TFR2: variants seen among roughly 807,000 people sequenced by gnomAD.
TFR2 encodes transferrin receptor 2.
TFR2 carries 64 observed loss-of-function variants against 91.9 expected under a neutral mutation model. The ratio of observed to expected loss-of-function variants is 0.70; its 90% CI spans 0.57 to 0.86. The LOEUF (loss-of-function observed/expected upper bound fraction) is 0.86, where lower values mean the gene tolerates loss of function less well. Ranked by LOEUF, TFR2 falls within the 40% of genes least tolerant of loss-of-function variation. The pLI is 0.00. For missense variants in TFR2, 950 were observed against 1,080.5 expected (o/e 0.88, Z 1.69); for synonymous variants, 454 against 459.6 (o/e 0.99, Z 0.15).
At chr7:100,623,775 C>T (rs542269726) in intron 17 of TFR2, among the ~76,000 whole-genome samples, 6 of 150,864 alleles carry the variant, frequency 4.0e-5, no homozygotes, top group South Asian at 4.2e-4. Context: ...CCCAGCCGGG[C>T]GCAGTAGCTC....
chr7:100,628,145 G>T lies in TFR2; in HGVS notation c.1474-9C>A. ...AGCACGCTGAGGTAGCCCTGTGGGT[G>T]GGTGACCAGTGTGGAGTGGGAACCC... On this transcript the variant is annotated splice_polypyrimidine_tract_variant and intron_variant, in intron 11 of 17. Transcript: ENST00000223051. The T allele has an allele frequency of 6.2e-7, 1 of 1,614,082 alleles. No homozygotes were observed. Among genetic ancestry groups the T allele is most frequent in the South Asian group, 1.1e-5 (1 of 91,092 alleles).
chr7:100,630,999 G>T lies in TFR2; in HGVS notation c.1160C>A (p.Ser387Tyr), dbSNP rs1374493501. ...PQEWQGSLLG[S>Y]PYHLGPGPRL... ...TGGCCCGGGGCCCAGGTGATAAGGGGAGCCTAGGAGGCTCCCCTGCCATTC... is the reference window on the plus strand; with the variant it reads ...TGGCCCGGGGCCCAGGTGATAAGGGTAGCCTAGGAGGCTCCCCTGCCATTC... Residue 387 changes from serine to tyrosine, a missense_variant, in exon 9 of 18, where the codon TCC becomes TAC. By Grantham distance (144) the Ser-to-Tyr change is moderately radical. Coordinates refer to ENST00000223051, the MANE Select transcript of TFR2 (RefSeq NM_003227.4). 6.4e-7 allele frequency: 1 copy of T among 1,569,172 alleles called. No individual in the cohort carries two copies. The highest frequency in any genetic ancestry group is 8.6e-7 in the Non-Finnish European group (1 of 1,160,168).
chr7:100,625,490 A>G (rs1230427595), intron 17 of TFR2, among the ~76,000 whole-genome samples: 2 of 152,132 alleles, frequency 1.3e-5, no homozygotes, highest in African/African-American at 2.4e-5. Flanking sequence ...TGTGAATGAG[A>G]ATGAACCATA....
rs1250293179 is a variant in TFR2 at position 100,641,262 on chromosome 7, A to G, written c.34-34T>C. ...GCGAGGTGGGCATGAGATTGGGGCA[A>G]GAGGCCTGGGGGGTGGGGAGGCATC... On this transcript the variant is annotated intron_variant, in intron 1 of 17. Coordinates refer to ENST00000223051, the MANE Select transcript of TFR2 (RefSeq NM_003227.4). The G allele has an allele frequency of 2.7e-6, 4 of 1,508,522 alleles. No individual in the cohort carries two copies. In the South Asian group the frequency reaches 3.7e-5, roughly 14 times the overall value. The allele number at this position is 1,508,522 out of a possible 1,614,324, so 93.4% of individuals were successfully genotyped here.
Position 100,627,285 on chromosome 7 carries a change from G to T in TFR2, c.1974C>A (p.Asn658Lys), listed in dbSNP as rs1803289281. 1 of 1,549,274 alleles carries T rather than the reference G, an allele frequency of 6.5e-7. No individual in the cohort carries two copies. Among genetic ancestry groups the T allele is most frequent in the Non-Finnish European group, 8.7e-7 (1 of 1,146,776 alleles). ...DVVLRHIGNL[N>K]EFSGDLKARG... ...GAACCTTGAGGTCCCCAGAGAACTC[G>T]TTGAGGTTCCCGATGTGCCTGAGGA... The change falls in exon 16 of 18, where the codon AAC (asparagine) becomes AAA (lysine). Residue 658 changes from asparagine to lysine, a missense_variant. Physicochemically the swap from Asn to Lys is moderately conservative, Grantham distance 94. Coordinates refer to ENST00000223051, the MANE Select transcript of TFR2 (RefSeq NM_003227.4).
chr7:100,633,262 G>T lies in TFR2; in HGVS notation c.693C>A (p.Val231=). 6.2e-7 allele frequency: 1 copy of T among 1,613,898 alleles called. No homozygotes were observed. Residue 231 remains valine, a synonymous_variant, in exon 5 of 18, where the codon GTC becomes GTA. Coordinates refer to ENST00000223051, the MANE Select transcript of TFR2 (RefSeq NM_003227.4). The stretch of plus-strand genomic sequence containing the variant: ...TGCCGATGGCGCTGTAGGGGCAGTA[G>T]ACGTCAGGGTCCTCCAGCGGCAGCT... The part of the protein sequence containing the change: ...GEQLPLEDPD[V]YCPYSAIGNV...
intron 3 of TFR2, among the ~76,000 whole-genome samples, chr7:100,637,125 C>T (rs568107106): frequency 2.7e-4 from 41 of 152,162 alleles, no homozygotes; most frequent in Non-Finnish European, 3.7e-4. Flanking sequence ...AATTGCCGGG[C>T]GCAGTGGCTC....
intron 3 of TFR2, among the ~76,000 whole-genome samples, chr7:100,639,132 C>A (rs550458434): frequency 1.4e-4 from 21 of 152,150 alleles, no homozygotes; most frequent in Non-Finnish European, 2.6e-4. Context: ...GAAGCCGAAG[C>A]GCTTTGGCAG....
At chr7:100,633,972 T>A (rs1438121361) in intron 3 of TFR2, among the ~76,000 whole-genome samples, 3 of 151,662 alleles carry the variant, frequency 2.0e-5, no homozygotes, top group Non-Finnish European at 4.4e-5. Flanking sequence ...CCTCCCAAAG[T>A]GCTGGCATTA....
chr7:100,631,554 G>A (rs1168357846), intron 8 of TFR2: 2 of 411,934 alleles, frequency 4.9e-6, no homozygotes, highest in South Asian at 2.5e-5. Context: ...AACCCGGGAG[G>A]TGGAGGTTGC....
At chr7:100,640,918 C>T (rs1803686194) in intron 2 of TFR2, 46 bp from the exon 3 acceptor site, 1 of 1,613,742 alleles carries the variant, frequency 6.2e-7, no homozygotes. Context: ...CACCTCTGGA[C>T]CCCAGAAATC....
At chr7:100,628,327 G>C (rs774462499) in intron 10 of TFR2, 21 bp from the exon 11 acceptor site, 1 of 1,613,258 alleles carries the variant, frequency 6.2e-7, no homozygotes, top group Middle Eastern at 1.7e-4. Flanking sequence ...AGGGGAAGGA[G>C]GACAGGCTTA....
In TFR2 at chr7:100,627,656, C is replaced by G; in HGVS notation, c.1688G>C (p.Arg563Pro). The G allele has an allele frequency of 6.2e-7, 1 of 1,614,138 alleles. No homozygotes were observed. The highest frequency in any genetic ancestry group is 8.5e-7 in the Non-Finnish European group (1 of 1,179,992). ...GGCACTGCTGTCCATGGGTAGGGGC[C>G]GGATCCTGGGGGCAGGTGGGTTGGA... ...TNPSWDAEVI[R>P]PLPMDSSAYS... The change falls in exon 15 of 18, where the codon CGG becomes CCG. Residue 563 changes from arginine to proline, a missense_variant. Physicochemically the swap from Arg to Pro is moderately radical, Grantham distance 103. Coordinates refer to ENST00000223051, the MANE Select transcript of TFR2 (RefSeq NM_003227.4).
Position 100,630,810 on chromosome 7 carries a change from C to T in TFR2, c.1270+79G>A, listed in dbSNP as rs915897629. ...CCTCTTGGGGCCTCCTGCACCAGCC[C>T]CCTATCTTGCCAGGGTGTATGGGCA... On this transcript the variant is annotated intron_variant, in intron 9 of 17. Transcript: ENST00000223051. 3 of 1,598,588 alleles carry T rather than the reference C, an allele frequency of 1.9e-6. No individual in the cohort carries two copies. The African/African-American group carries it at 4.0e-5, about 21-fold the overall frequency.
intron 8 of TFR2, 168 bp downstream of exon 8, chr7:100,631,638 G>C: frequency 1.2e-6 from 1 of 857,920 alleles, no homozygotes; most frequent in Non-Finnish European, 1.7e-6. Flanking sequence ...AAAAAAAAAG[G>C]TCAGGGTCTC....
chr7:100,621,022 G>A lies in TFR2; in HGVS notation c.2241C>T (p.His747=), dbSNP rs763782433. 6.2e-7 allele frequency: 1 copy of A among 1,600,076 alleles called. No homozygotes were observed. The highest frequency in any genetic ancestry group is 1.7e-5 in the Admixed American group (1 of 57,654). The change falls in exon 18 of 18, where the codon CAC becomes CAT. Residue 747 remains histidine (H), a synonymous_variant. Transcript: ENST00000223051. ...AGCTGTTGGAGCGCAGCAGCCGCAG[G>A]TGGTCCAGCAGGGCGCCCAGCGTGT... ...GDHTLGALLD[H]LRLLRSNSSG... is the part of the protein sequence containing the mutation.
intron 17 of TFR2, among the ~76,000 whole-genome samples, chr7:100,624,864 C>T (rs957815778): frequency 4.7e-5 from 7 of 149,414 alleles, no homozygotes; most frequent in Non-Finnish European, 7.4e-5. Context: ...AGAGTGAGAC[C>T]GTCTCAGAAA....
In TFR2 at chr7:100,640,789, A is replaced by C; in HGVS notation, c.370T>G (p.Tyr124Asp). 6.2e-7 allele frequency: 1 copy of C among 1,614,142 alleles called. No homozygotes were observed. The highest frequency in any genetic ancestry group is 1.1e-5 in the South Asian group (1 of 91,088). ...TGGTGGAAATCCAGGTCAGGCTCATAGTTGACATCCTCACTGACCACCAAC... is the reference window on the plus strand; with the variant it reads ...TGGTGGAAATCCAGGTCAGGCTCATCGTTGACATCCTCACTGACCACCAAC... ...SVLVVSEDVN[Y>D]EPDLDFHQGR... The change falls in exon 3 of 18, where the codon TAT becomes GAT. Residue 124 changes from tyrosine to aspartate, a missense_variant. Coordinates refer to ENST00000223051, the MANE Select transcript of TFR2 (RefSeq NM_003227.4).
chr7:100,631,618 C>T (rs746604756), intron 8 of TFR2, 188 bp downstream of exon 8: 1 of 648,696 alleles, frequency 1.5e-6, no homozygotes, highest in Non-Finnish European at 2.4e-6. Context: ...AGCAAGACTC[C>T]ATCTCAAAAA....
Sources: allele counts gnomAD v4.1 joint callset (sites outside exome capture counted in the v4.1 genomes callset), GRCh38; gene constraint gnomAD v4.1.1; transcripts MANE v1.5; gene names NCBI Gene and HGNC (gene_info 2026-07-23, HGNC 2026-07-21).